Variants in SPAG17 observed in about 807,000 individuals in gnomAD.
The protein encoded by SPAG17 is sperm-associated antigen 17.
Under a neutral mutation model 273.6 loss-of-function variants are expected in SPAG17, and 169 were observed. That is an observed-to-expected ratio of 0.62 (90% confidence interval 0.55 to 0.70). The LOEUF is 0.70. Ranked by LOEUF, SPAG17 falls within the 30% of genes least tolerant of loss-of-function variation. The pLI is 0.00. For synonymous variants in SPAG17, 825 were observed against 873.2 expected (o/e 0.94, Z 0.97); for missense variants, 2,557 against 2,627.8 (o/e 0.97, Z 0.59).
At chr1:117,990,435 AG>A (rs1194802720) in intron 38 of SPAG17, among the ~76,000 whole-genome samples, 1 of 152,228 alleles carries the variant, frequency 6.6e-6, no homozygotes, top group Non-Finnish European at 1.5e-5. Flanking sequence ...ATGAGATCTA[AG>A]AGTAAACTAC....
intron 1 of SPAG17, among the ~76,000 whole-genome samples, chr1:118,151,647 G>T (rs1012862620): frequency 6.6e-6 from 1 of 152,180 alleles, no homozygotes. Flanking sequence ...CTAGAATGTT[G>T]TCCAAGAATA....
In SPAG17 at chr1:118,171,598, G is replaced by A. The variant is rs529057450; in HGVS notation, c.87+13473C>T. Reference sequence around the variant, plus strand: ...AAAAGATTTACTAAGGATGAAGTCCGATGTTGCAGGTAAAATAAGTGCTCT... The same window carrying A: ...AAAAGATTTACTAAGGATGAAGTCCAATGTTGCAGGTAAAATAAGTGCTCT... On this transcript the variant is annotated intron_variant, in intron 1 of 48. Transcript: ENST00000336338. 1.9e-4 allele frequency among the ~76,000 whole-genome samples: 29 copies of A among 152,240 alleles called. No individual in the cohort carries two copies. In the East Asian group the frequency reaches 5.6e-3, roughly 29 times the overall value.
chr1:118,021,873 C>T (rs777438295), intron 28 of SPAG17, among the ~76,000 whole-genome samples: 1 of 152,062 alleles, frequency 6.6e-6, no homozygotes, highest in Non-Finnish European at 1.5e-5. Context: ...AAGAGGGAAC[C>T]CTTGAGCCGA....
intron 47 of SPAG17, chr1:117,964,153 T>C: frequency 6.9e-6 from 3 of 435,610 alleles, no homozygotes; most frequent in Non-Finnish European, 8.3e-6. Flanking sequence ...CTAGTGTACA[T>C]TTCTCTCCTA....
intron 17 of SPAG17, among the ~76,000 whole-genome samples, chr1:118,069,344 C>CAAAAAAAAAAAAAAAAAAAAAAAAAA (rs563980015): frequency 4.6e-5 from 4 of 86,180 alleles, no homozygotes; most frequent in African/African-American, 1.0e-4. Flanking sequence ...GACTCCGTCT[C>CAAAAAAAAAAAAAAAAAAAAAAAAAA]AAAAAAAAAA....
At chr1:118,184,057 T>A (rs977604813) in intron 1 of SPAG17, among the ~76,000 whole-genome samples, 1 of 151,714 alleles carries the variant, frequency 6.6e-6, no homozygotes, top group South Asian at 2.1e-4. Flanking sequence ...AATTTCCTTA[T>A]CAAACAGAAT....
chr1:118,069,076 T>A (rs1304042809), intron 17 of SPAG17, among the ~76,000 whole-genome samples: 1 of 152,150 alleles, frequency 6.6e-6, no homozygotes, highest in Admixed American at 6.5e-5. Flanking sequence ...CCGGGTGTGG[T>A]GGCTCACGCC....
In SPAG17 at chr1:118,165,939, G is replaced by A. The variant is rs533882011; in HGVS notation, c.88-14570C>T. Among the ~76,000 whole-genome samples the A allele has an allele frequency of 1.4e-4, 21 of 151,414 alleles. 1 individual carries two copies. The South Asian group carries it at 4.2e-3, about 30-fold the overall frequency. ...ATTACGGGCGTGAGCCACCGCACCC[G>A]GCCGAAATCTTTCTTTTTACCTAGC... On this transcript the variant is annotated intron_variant, in intron 1 of 48. Transcript: ENST00000336338.
At chr1:118,178,516 T>G (rs1195148461) in intron 1 of SPAG17, among the ~76,000 whole-genome samples, 2 of 151,914 alleles carry the variant, frequency 1.3e-5, no homozygotes, top group African/African-American at 4.8e-5. Context: ...TCCTCTAAGA[T>G]CTGGAATAGG....
In SPAG17 at chr1:118,126,382, A is replaced by ATT. The variant is rs1290741523; in HGVS notation, c.316-10943_316-10942dup. On this transcript the variant is annotated intron_variant, in intron 3 of 48. Transcript: ENST00000336338. Reference sequence around the variant, plus strand: ...CACTACACCCAGCTAATTTTTTTGTATTTTTTTTTTTTAGTAGAGACGGGG... The same window carrying ATT: ...CACTACACCCAGCTAATTTTTTTGTATTTTTTTTTTTTTTAGTAGAGACGGGG... Among the ~76,000 whole-genome samples the ATT allele has an allele frequency of 4.6e-3, 622 of 136,192 alleles. 4 individuals are homozygous for ATT. Among genetic ancestry groups the ATT allele is most frequent in the African/African-American group, 0.016 (596 of 37,342 alleles). 89.3% of individuals were successfully genotyped at this position (136,192 alleles called of 152,430 possible).
Position 118,093,162 on chromosome 1 carries a change from A to T in SPAG17, c.1167T>A (p.Thr389=). The T allele has an allele frequency of 6.2e-7, 1 of 1,612,420 alleles. No homozygotes were observed. Among genetic ancestry groups the T allele is most frequent in the South Asian group, 1.1e-5 (1 of 90,572 alleles). ...ACATTGAGCCCATGCCTACCTCTGA[A>T]GTTGGCATGGCTTCTAATACAGGTT... ...NEKPVLEAMP[T]SEAPQPAVPA... is the part of the protein sequence containing the mutation. Residue 389 remains threonine, a synonymous_variant, in exon 8 of 49, where the codon ACT becomes ACA. Transcript: ENST00000336338.
chr1:118,184,871 A>G (rs1226353173), intron 1 of SPAG17, among the ~76,000 whole-genome samples, 200 bp downstream of exon 1: 1 of 152,096 alleles, frequency 6.6e-6, no homozygotes, highest in African/African-American at 2.4e-5. Context: ...TTGAAATCAC[A>G]CTGACTCACC....
At chr1:118,146,673 C>T (rs978311015) in intron 3 of SPAG17, among the ~76,000 whole-genome samples, 33 of 152,148 alleles carry the variant, frequency 2.2e-4, no homozygotes, top group African/African-American at 8.0e-4. Flanking sequence ...TCAAGATCTA[C>T]CTATCCAAGG....
intron 15 of SPAG17, among the ~76,000 whole-genome samples, chr1:118,080,545 G>A (rs976401413): frequency 6.6e-6 from 1 of 152,200 alleles, no homozygotes; most frequent in African/African-American, 2.4e-5. Flanking sequence ...AAAGCTGTAA[G>A]TAGAGAAACA....
At chr1:118,094,140 T>G (rs545718853) in intron 7 of SPAG17, among the ~76,000 whole-genome samples, 1 of 152,332 alleles carries the variant, frequency 6.6e-6, no homozygotes, top group South Asian at 2.1e-4. Flanking sequence ...ATGGTGCACC[T>G]GGTTGCTGGC....
intron 36 of SPAG17, among the ~76,000 whole-genome samples, chr1:117,991,972 A>G (rs1444971635): frequency 6.6e-6 from 1 of 152,210 alleles, no homozygotes; most frequent in Non-Finnish European, 1.5e-5. Context: ...ATAACTAATA[A>G]TACCCTGCTC....
intron 1 of SPAG17, among the ~76,000 whole-genome samples, chr1:118,172,365 C>G (rs1454635104): frequency 6.6e-6 from 1 of 152,050 alleles, no homozygotes; most frequent in African/African-American, 2.4e-5. Context: ...AGTAGTGGGT[C>G]GGGCTGGGTT....
intron 6 of SPAG17, 61 bp from the exon 7 acceptor site, chr1:118,097,912 G>A: frequency 8.6e-7 from 1 of 1,167,704 alleles, no homozygotes; most frequent in Non-Finnish European, 1.2e-6. Context: ...CCCACTTTAA[G>A]TGAACATGGT....
At chr1:118,029,202 C>A (rs945416680) in intron 25 of SPAG17, among the ~76,000 whole-genome samples, 2 of 151,980 alleles carry the variant, frequency 1.3e-5, no homozygotes, top group Non-Finnish European at 2.9e-5. Context: ...CTACCATACT[C>A]CAGCCTGAGT....
Sources: allele counts gnomAD v4.1 joint callset (sites outside exome capture counted in the v4.1 genomes callset), GRCh38; gene constraint gnomAD v4.1.1; transcripts MANE v1.5; gene names NCBI Gene and HGNC (gene_info 2026-07-23, HGNC 2026-07-21).